LTN1: variants seen among roughly 807,000 people sequenced by gnomAD.
The protein encoded by LTN1 is E3 ubiquitin-protein ligase listerin.
In LTN1, 88 loss-of-function variants were observed where a neutral mutation model predicts 201.2. That is an observed-to-expected ratio of 0.44 (90% CI 0.37 to 0.52). The LOEUF (loss-of-function observed/expected upper bound fraction) is 0.52. Among genes scored for constraint, LTN1 ranks in the 20% least tolerant of loss-of-function variants. LTN1 has a pLI of 0.00. For missense variants in LTN1, 1,752 were observed against 2,038.7 expected (o/e 0.86, Z 2.71); for synonymous variants, 645 against 713.5 (o/e 0.90, Z 1.53).
chr21:28,938,494 G>T (rs2084273589), intron 25 of LTN1, among the ~76,000 whole-genome samples: 1 of 152,088 alleles, frequency 6.6e-6, no homozygotes, highest in African/African-American at 2.4e-5. Flanking sequence ...AAAAGTTAGA[G>T]ATTTTTAAAA....
At chr21:28,988,157 C>CAA (rs1555848864) in intron 1 of LTN1, among the ~76,000 whole-genome samples, 1 of 96,594 alleles carries the variant, frequency 1.0e-5, no homozygotes, top group African/African-American at 3.5e-5. Flanking sequence ...AAAAAAAAAA[C>CAA]AACAAAAAAA....
At chr21:28,967,227 C>T in intron 9 of LTN1, 48 bp from the exon 10 acceptor site, 2 of 1,317,558 alleles carry the variant, frequency 1.5e-6, no homozygotes, top group Non-Finnish European at 2.1e-6. Flanking sequence ...GGTCTTCAAC[C>T]CCCATCTCCT....
At chr21:28,990,256 G>A (rs1024920839) in intron 1 of LTN1, among the ~76,000 whole-genome samples, 1 of 152,096 alleles carries the variant, frequency 6.6e-6, no homozygotes, top group African/African-American at 2.4e-5. Context: ...TATTATCTCT[G>A]AATACCTGAC....
At chr21:28,942,326 C>T (rs1416107127) in intron 24 of LTN1, among the ~76,000 whole-genome samples, 8 of 152,172 alleles carry the variant, frequency 5.3e-5, no homozygotes, top group African/African-American at 1.9e-4. Context: ...CAATCAGCTC[C>T]ACCTCTGCTT....
intron 20 of LTN1, 91 bp from the exon 21 acceptor site, chr21:28,946,042 T>C: frequency 1.4e-6 from 2 of 1,425,368 alleles, no homozygotes; most frequent in South Asian, 1.3e-5. Context: ...TACTTATTTA[T>C]AACTGACTTA....
At chr21:28,960,753 T>C in intron 11 of LTN1, 47 bp from the exon 12 acceptor site, 1 of 1,298,438 alleles carries the variant, frequency 7.7e-7, no homozygotes, top group Non-Finnish European at 1.1e-6. Context: ...GATCAAATAC[T>C]CTCTCTGTCC....
At position 28,992,869 on chromosome 21, in the gene LTN1, C is replaced by A. The variant is rs1192548583; in HGVS notation, c.-64G>T. On this transcript the variant is annotated 5_prime_UTR_variant, in exon 1 of 30. Transcript: ENST00000361371. ...GGTTGACACGTCCGGGACACAACTT[C>A]CGGCTTCTGGCGGCGGAAGAGGACA... The A allele has an allele frequency of 1.9e-6, 3 of 1,613,238 alleles. No individual in the cohort carries two copies. The highest frequency in any genetic ancestry group is 1.7e-5 in the Admixed American group (1 of 59,834).
Position 28,958,389 on chromosome 21 carries a change from T to C in LTN1, c.2744A>G (p.Asn915Ser), listed in dbSNP as rs1210793951. The C allele has an allele frequency of 6.3e-7, 1 of 1,598,910 alleles. No homozygotes were observed. The highest frequency in any genetic ancestry group is 1.4e-5 in the African/African-American group (1 of 73,570). ...AACCAAGCTCAAAAAAGGTTACCTG[T>C]TGATATCCAAAGATGAAGCCTGAAC... ...NQVQASSLDINSLQVLLSAVD... is the reference protein window; with the variant it reads ...NQVQASSLDISSLQVLLSAVD... Residue 915 changes from asparagine to serine, a missense_variant, in exon 14 of 30, where the codon AAC (asparagine) becomes AGC (serine). Around this residue, in one of 3 missense-constraint regions of LTN1, gnomAD observed 1,211 missense variants for 1,312.8 expected, o/e 0.92. Transcript: ENST00000361371.
chr21:28,987,939 C>T (rs541786133), intron 1 of LTN1, among the ~76,000 whole-genome samples: 3 of 151,350 alleles, frequency 2.0e-5, no homozygotes, highest in East Asian at 2.0e-4. Flanking sequence ...GTCAGGAGTT[C>T]GAGACCAGCC....
intron 26 of LTN1, 48 bp downstream of exon 26, chr21:28,936,478 G>A (rs1322128829): frequency 1.4e-6 from 2 of 1,465,190 alleles, no homozygotes; most frequent in African/African-American, 2.8e-5. Flanking sequence ...ATTCAACCTA[G>A]TCTGAATCTA....
chr21:28,933,435 C>T (rs947850540), intron 27 of LTN1, among the ~76,000 whole-genome samples: 15 of 152,284 alleles, frequency 9.9e-5, no homozygotes, highest in African/African-American at 3.4e-4. Context: ...AAGATTTTAA[C>T]TCTGATCATG....
At chr21:28,944,825 C>T (rs2084325011) in intron 21 of LTN1, among the ~76,000 whole-genome samples, 2 of 152,110 alleles carry the variant, frequency 1.3e-5, no homozygotes, top group African/African-American at 4.8e-5. Context: ...CTCAAGTACC[C>T]TTTTTAATTT....
chr21:28,985,372 A>C (rs142096774), intron 3 of LTN1, among the ~76,000 whole-genome samples: 18 of 152,064 alleles, frequency 1.2e-4, no homozygotes, highest in African/African-American at 4.3e-4. Flanking sequence ...AAGGCAGGAG[A>C]ATCACTTGAA....
chr21:28,984,962 C>A, intron 3 of LTN1, 40 bp from the exon 4 acceptor site: 1 of 1,451,430 alleles, frequency 6.9e-7, no homozygotes, highest in South Asian at 1.2e-5. Flanking sequence ...AGCTCTAGCC[C>A]ATAAAAACAA....
chr21:28,967,983 G>A (rs1242852289), intron 9 of LTN1: 1 of 152,104 alleles, frequency 6.6e-6, no homozygotes, highest in Non-Finnish European at 1.5e-5. Flanking sequence ...ACTATGATGT[G>A]AGAATAGAGG....
At chr21:28,955,301 A>T (rs1406426970) in intron 16 of LTN1, among the ~76,000 whole-genome samples, 1 of 152,010 alleles carries the variant, frequency 6.6e-6, no homozygotes, top group African/African-American at 2.4e-5. Flanking sequence ...CCCCATCTCT[A>T]AAAAAACAAA....
At chr21:28,956,729 T>C (rs1326901877) in intron 16 of LTN1, 33 bp downstream of exon 16, 10 of 1,140,208 alleles carry the variant, frequency 8.8e-6, no homozygotes, top group East Asian at 2.7e-5. Flanking sequence ...CATTCATGCA[T>C]TATGTTATAT....
At chr21:28,961,810 C>T (rs566640523) in intron 11 of LTN1, among the ~76,000 whole-genome samples, 1 of 152,104 alleles carries the variant, frequency 6.6e-6, no homozygotes, top group Admixed American at 6.5e-5. Flanking sequence ...ACTTTAAGAC[C>T]AGCCTGACCA....
Position 28,935,097 on chromosome 21 carries a change from G to C in LTN1, c.4875+12C>G. 1.3e-5 allele frequency: 20 copies of C among 1,556,850 alleles called. No homozygotes were observed. Among genetic ancestry groups the C allele is most frequent in the Non-Finnish European group, 1.7e-5 (19 of 1,129,144 alleles). ...AAACAACTTTTCTAGAGAAAGTCAA[G>C]ACAATACTAACCGTCATGCCATTAA... On this transcript the variant is annotated intron_variant, in intron 27 of 29. Transcript: ENST00000361371.
Sources: allele counts gnomAD v4.1 joint callset (sites outside exome capture counted in the v4.1 genomes callset), GRCh38; gene constraint gnomAD v4.1.1; regional missense constraint gnomAD v4.1.1; transcripts MANE v1.5; gene names NCBI Gene and HGNC (gene_info 2026-07-23, HGNC 2026-07-21).